The following GALNTL5 variants were observed in gnomAD, a reference collection of about 807,000 sequenced individuals.
GALNTL5 encodes the protein inactive polypeptide N-acetylgalactosaminyltransferase-like protein 5.
Under a neutral mutation model 51.0 loss-of-function variants are expected in GALNTL5, and 44 were observed. The observed-to-expected ratio is 0.86, with a 90% CI of 0.68 to 1.11. The LOEUF is 1.11. Among genes scored for constraint, GALNTL5 ranks in the 50% least tolerant of loss-of-function variants. The pLI is 0.00. For synonymous variants in GALNTL5, 192 were observed against 182.8 expected (o/e 1.05, Z -0.41); for missense variants, 528 against 531.8 (o/e 0.99, Z 0.07).
intron 1 of GALNTL5, among the ~76,000 whole-genome samples, chr7:151,957,618 G>C (rs895526632): frequency 6.6e-6 from 1 of 151,966 alleles, no homozygotes; most frequent in African/African-American, 2.4e-5. Context: ...TTAGGCTAGG[G>C]TTTTGGCGTG....
At chr7:152,008,743 TTTGTTTGC>T (rs976549599) in intron 7 of GALNTL5, among the ~76,000 whole-genome samples, 65 of 152,174 alleles carry the variant, frequency 4.3e-4, no homozygotes, top group Middle Eastern at 3.4e-3. Context: ...TGTTTGTTTG[TTTGTTTGC>T]TTGCTTTGTT....
intron 7 of GALNTL5, among the ~76,000 whole-genome samples, chr7:152,009,484 GT>G (rs1164214188): frequency 2.0e-5 from 3 of 152,154 alleles, no homozygotes; most frequent in African/African-American, 7.2e-5. Flanking sequence ...AGTTTCCTTT[GT>G]AGGAATTTCT....
chr7:151,963,945 C>A, intron 1 of GALNTL5, among the ~76,000 whole-genome samples: 1 of 152,070 alleles, frequency 6.6e-6, no homozygotes, highest in Non-Finnish European at 1.5e-5. Flanking sequence ...TCAGGCAATC[C>A]TTGGCAGCTG....
Position 151,983,056 on chromosome 7 carries a change from T to C in GALNTL5, c.439T>C (p.Cys147Arg). 6 of 1,614,184 alleles carry C rather than the reference T, an allele frequency of 3.7e-6. No homozygotes were observed. Among genetic ancestry groups the C allele is most frequent in the Non-Finnish European group, 5.1e-6 (6 of 1,179,988 alleles). ...SIVICFYNEECNALFQTMSSV... is the reference protein window; with the variant it reads ...SIVICFYNEERNALFQTMSSV... ...TGTCATTTGCTTCTATAATGAAGAA[T>C]GTAATGCCTTGTTTCAGACCATGTC... is the stretch of plus-strand genomic sequence containing the variant. The change falls in exon 4 of 9, where the codon TGT becomes CGT. Residue 147 changes from cysteine (C) to arginine (R), a missense_variant. Cys to Arg is a radical substitution (Grantham distance 180, BLOSUM62 -3). Coordinates refer to ENST00000392800, the MANE Select transcript of GALNTL5 (RefSeq NM_145292.4).
intron 6 of GALNTL5, among the ~76,000 whole-genome samples, chr7:152,006,691 G>A (rs77927091): frequency 1.3e-5 from 2 of 152,134 alleles, no homozygotes; most frequent in Admixed American, 6.5e-5. Context: ...TGTGTGTTGA[G>A]TGACTCATAT....
chr7:151,983,113 CT>C lies in GALNTL5; in HGVS notation c.498del (p.Glu167LysfsTer6). ...SVTNLTPHYF[L>X]EEIILVDDMS... The stretch of plus-strand genomic sequence containing the variant: ...CACGAACCTCACGCCACACTATTTT[CT>C]TGAAGAAATTATTTTGGTAGATGAC... On this transcript the variant is annotated frameshift_variant, in exon 4 of 9. Transcript: ENST00000392800. LOFTEE classifies it high-confidence loss of function. The C allele has an allele frequency of 1.2e-6, 2 of 1,614,114 alleles. No individual in the cohort carries two copies. The highest frequency in any genetic ancestry group is 1.7e-6 in the Non-Finnish European group (2 of 1,180,020).
intron 8 of GALNTL5, among the ~76,000 whole-genome samples, chr7:152,017,751 A>G (rs192840596): frequency 6.6e-6 from 1 of 152,336 alleles, no homozygotes; most frequent in East Asian, 1.9e-4. Context: ...GGATCTACCA[A>G]AATTGATCCC....
At chr7:151,957,236 A>G (rs146446712) in intron 1 of GALNTL5, among the ~76,000 whole-genome samples, 57 of 152,054 alleles carry the variant, frequency 3.7e-4, no homozygotes, top group African/African-American at 1.3e-3. Context: ...TCCTGATTCA[A>G]TAGACTCGTA....
At chr7:151,997,013 C>A (rs1475307169) in intron 5 of GALNTL5, among the ~76,000 whole-genome samples, 1 of 149,788 alleles carries the variant, frequency 6.7e-6, no homozygotes, top group Non-Finnish European at 1.5e-5. Flanking sequence ...TTTCAAAAAA[C>A]AAGTTAACAA....
chr7:151,989,138 A>G (rs1371549286), intron 5 of GALNTL5, among the ~76,000 whole-genome samples: 1 of 151,326 alleles, frequency 6.6e-6, no homozygotes, highest in African/African-American at 2.4e-5. Context: ...ATGATATTTC[A>G]TATGGATTTT....
intron 1 of GALNTL5, among the ~76,000 whole-genome samples, chr7:151,956,972 G>A (rs1343296965): frequency 6.6e-6 from 1 of 151,970 alleles, no homozygotes; most frequent in Admixed American, 6.6e-5. Flanking sequence ...CTTATATGGA[G>A]ATCAGTATTA....
At chr7:151,980,991 C>T (rs904136214) in intron 3 of GALNTL5, among the ~76,000 whole-genome samples, 18 of 152,008 alleles carry the variant, frequency 1.2e-4, no homozygotes, top group Admixed American at 5.9e-4. Context: ...GTGATCCGCC[C>T]TCCTCAGCCT....
intron 7 of GALNTL5, among the ~76,000 whole-genome samples, chr7:152,008,300 T>C (rs748941260): frequency 1.3e-5 from 2 of 150,776 alleles, no homozygotes; most frequent in Admixed American, 6.6e-5. Flanking sequence ...AGGGTGGTCT[T>C]GAACTCCTGA....
chr7:151,977,935 A>C (rs75965849), intron 3 of GALNTL5, among the ~76,000 whole-genome samples: 77 of 151,610 alleles, frequency 5.1e-4, no homozygotes, highest in African/African-American at 1.8e-3. Context: ...ATGTTTTCCC[A>C]CTCTCTTTTT....
intron 1 of GALNTL5, chr7:151,958,036 A>G (rs2080946940): frequency 6.6e-6 from 1 of 152,228 alleles, no homozygotes; most frequent in African/African-American, 2.4e-5. Flanking sequence ...GTTCACGTCT[A>G]AAGAGAATTC....
intron 8 of GALNTL5, among the ~76,000 whole-genome samples, chr7:152,016,927 A>G (rs1402147434): frequency 6.6e-6 from 1 of 151,748 alleles, no homozygotes; most frequent in Non-Finnish European, 1.5e-5. Flanking sequence ...AATCCCAGCT[A>G]CTCGGGAGGC....
rs774848016 is a variant in GALNTL5, at chr7:151,987,196, T to C, written c.573T>C (p.Thr191=). Residue 191 remains threonine (T), a synonymous_variant, in exon 5 of 9, where the codon ACT becomes ACC. Coordinates refer to ENST00000392800, the MANE Select transcript of GALNTL5 (RefSeq NM_145292.4). ...LKEKLDYHLE[T]FRGKVKIIRN... is the part of the protein sequence containing the mutation. Reference sequence around the variant, plus strand: ...AAAAACTAGACTATCACCTGGAAACTTTTCGGGGAAAGGTTAAAATAATAA... The same window carrying C: ...AAAAACTAGACTATCACCTGGAAACCTTTCGGGGAAAGGTTAAAATAATAA... The C allele has an allele frequency of 6.3e-7, 1 of 1,597,844 alleles. No homozygotes were observed. Among genetic ancestry groups the C allele is most frequent in the Non-Finnish European group, 8.5e-7 (1 of 1,174,724 alleles).
intron 3 of GALNTL5, among the ~76,000 whole-genome samples, chr7:151,980,430 C>T (rs909234885): frequency 6.6e-6 from 1 of 152,134 alleles, no homozygotes; most frequent in African/African-American, 2.4e-5. Context: ...TCCCACTCAC[C>T]GTTACAGACC....
intron 3 of GALNTL5, among the ~76,000 whole-genome samples, chr7:151,979,255 G>GCA (rs1430994617): frequency 7.1e-6 from 1 of 141,490 alleles, no homozygotes; most frequent in Non-Finnish European, 1.5e-5. Flanking sequence ...GACCACAGGT[G>GCA]CCCGCCACCA....
Sources: gnomAD v4.1 joint callset for allele counts (sites outside exome capture counted in the v4.1 genomes callset) on GRCh38, gnomAD v4.1.1 for gene constraint, MANE v1.5 for transcripts, NCBI Gene and HGNC (gene_info 2026-07-23, HGNC 2026-07-21) for gene names.